The following LPIN2 variants were observed in gnomAD, a reference collection of about 807,000 sequenced individuals.
The protein encoded by LPIN2 is phosphatidate phosphatase LPIN2.
In LPIN2, 55 loss-of-function variants were observed where a neutral mutation model predicts 111.4. The observed-to-expected ratio is 0.49, with a 90% CI of 0.40 to 0.62. LPIN2 has a LOEUF of 0.62. LPIN2 is among the 20% of genes least tolerant of loss of function. The pLI is 0.00. For missense variants in LPIN2, 992 were observed against 1,112.1 expected, an observed-to-expected ratio of 0.89 and a Z score of 1.54; for synonymous variants, 425 against 414.0, an observed-to-expected ratio of 1.03 and a Z score of -0.32.
intron 1 of LPIN2, among the ~76,000 whole-genome samples, chr18:2,993,871 G>A (rs2078302741): frequency 6.6e-6 from 1 of 152,114 alleles, no homozygotes; most frequent in African/African-American, 2.4e-5. Context: ...CAGCATACAT[G>A]TATACCGACA....
chr18:2,937,927 A>T lies in LPIN2; in HGVS notation c.933T>A (p.Val311=). The change falls in exon 7 of 20, where the codon GTT becomes GTA. Residue 311 remains valine (V), a synonymous_variant. Transcript: ENST00000677752. ...TGTCTTCCATGGAAGCATCCTTCTCAACTTCACTGATGAGGTTGTCCTCAC... is the reference window on the plus strand; with the variant it reads ...TGTCTTCCATGGAAGCATCCTTCTCTACTTCACTGATGAGGTTGTCCTCAC... ...IPSEDNLISE[V]EKDASMEDTV... The T allele has an allele frequency of 6.2e-7, 1 of 1,614,182 alleles. No individual in the cohort carries two copies. The highest frequency in any genetic ancestry group is 1.3e-5 in the African/African-American group (1 of 75,060).
intron 2 of LPIN2, among the ~76,000 whole-genome samples, chr18:2,960,160 A>C (rs1260752102): frequency 6.9e-6 from 1 of 145,608 alleles, no homozygotes; most frequent in African/African-American, 2.6e-5. Flanking sequence ...GCAAAGCGAG[A>C]CTCCGACTCA....
At chr18:2,927,347 T>C (rs2077148786) in intron 12 of LPIN2, among the ~76,000 whole-genome samples, 1 of 152,248 alleles carries the variant, frequency 6.6e-6, no homozygotes, top group Non-Finnish European at 1.5e-5. Flanking sequence ...GTTATTTGCA[T>C]CTGGAACTAT....
At chr18:2,991,933 AG>A (rs1179512158) in intron 1 of LPIN2, among the ~76,000 whole-genome samples, 2 of 152,092 alleles carry the variant, frequency 1.3e-5, no homozygotes, top group Admixed American at 6.5e-5. Context: ...TGCCGAACAC[AG>A]GAGGCAGAGG....
chr18:2,951,603 A>G (rs1163333454), intron 3 of LPIN2, among the ~76,000 whole-genome samples: 1 of 152,204 alleles, frequency 6.6e-6, no homozygotes, highest in Admixed American at 6.5e-5. Context: ...AGGAACTGAC[A>G]TGCCAAGTCA....
chr18:2,942,925 C>T (rs1233845913), intron 4 of LPIN2, among the ~76,000 whole-genome samples: 1 of 152,190 alleles, frequency 6.6e-6, no homozygotes, highest in East Asian at 1.9e-4. Flanking sequence ...TTTGCTAATA[C>T]ATCAGAACTG....
intron 17 of LPIN2, 110 bp downstream of exon 17, chr18:2,921,937 G>T: frequency 7.2e-7 from 1 of 1,388,884 alleles, no homozygotes; most frequent in Non-Finnish European, 9.7e-7. Flanking sequence ...ACTGGGAGAG[G>T]CGTGGCGGCT....
Position 2,920,179 on chromosome 18 carries a change from G to T in LPIN2, c.*114C>A. On this transcript the variant is annotated 3_prime_UTR_variant, in exon 20 of 20. Coordinates refer to ENST00000677752, the MANE Select transcript of LPIN2 (RefSeq NM_001375808.2). ...AAGGAGGATGGCGGGACCAGCTCCAGAAGCACCCGTCCCCGCTGGGGAAGG... is the reference window on the plus strand; with the variant it reads ...AAGGAGGATGGCGGGACCAGCTCCATAAGCACCCGTCCCCGCTGGGGAAGG... The T allele has an allele frequency of 6.9e-7, 1 of 1,446,322 alleles. No homozygotes were observed. The highest frequency in any genetic ancestry group is 9.6e-7 in the Non-Finnish European group (1 of 1,037,532). 89.6% of individuals were successfully genotyped at this position (1,446,322 alleles called of 1,614,324 possible).
intron 9 of LPIN2, 77 bp from the exon 10 acceptor site, chr18:2,929,235 G>T: frequency 1.0e-6 from 1 of 956,604 alleles, no homozygotes. Flanking sequence ...TCTCTGCATT[G>T]CAGAAATTGA....
At position 2,924,521 on chromosome 18, in the gene LPIN2, G is replaced by A; in HGVS notation, c.1964C>T (p.Pro655Leu). The stretch of plus-strand genomic sequence containing the variant: ...TGTAATACTAAACACAACATCATTT[G>A]GGCCATCGTGGAGCTTCAGTTTTGC... ...QIAKLKLHDG[P>L]NDVVFSITTQ... The change falls in exon 15 of 20, where the codon CCA becomes CTA. Residue 655 changes from proline (P) to leucine (L), a missense_variant. Transcript: ENST00000677752. The A allele has an allele frequency of 6.2e-7, 1 of 1,614,182 alleles. No homozygotes were observed.
chr18:2,988,551 T>C (rs1436742418), intron 1 of LPIN2, among the ~76,000 whole-genome samples: 1 of 152,252 alleles, frequency 6.6e-6, no homozygotes, highest in Non-Finnish European at 1.5e-5. Context: ...AGTTATATTC[T>C]ACACATACAG....
chr18:2,963,396 A>G (rs2077743299), intron 1 of LPIN2, among the ~76,000 whole-genome samples: 1 of 150,428 alleles, frequency 6.6e-6, no homozygotes, highest in Non-Finnish European at 1.5e-5. Context: ...GAACCAAGTC[A>G]GACCTGTCCT....
chr18:2,984,098 A>C (rs2078151763), intron 1 of LPIN2, among the ~76,000 whole-genome samples: 1 of 152,262 alleles, frequency 6.6e-6, no homozygotes, highest in Non-Finnish European at 1.5e-5. Flanking sequence ...CAAAATTTTC[A>C]AATGTTTGAC....
Position 2,937,824 on chromosome 18 carries a change from G to A in LPIN2, c.1036C>T (p.Leu346Phe). 1 of 1,614,176 alleles carries A rather than the reference G, an allele frequency of 6.2e-7. No individual in the cohort carries two copies. Among genetic ancestry groups the A allele is most frequent in the Non-Finnish European group, 8.5e-7 (1 of 1,180,028 alleles). The change falls in exon 7 of 20, where the codon CTC becomes TTC. Residue 346 changes from leucine (L) to phenylalanine (F), a missense_variant. By Grantham distance (22) the Leu-to-Phe change is conservative. Transcript: ENST00000677752. Reference sequence around the variant, plus strand: ...TGAGTACTCTCAAGAGGAGGTTCGAGAAGCTCTGCCACAGATGTTGGGTCG... The same window carrying A: ...TGAGTACTCTCAAGAGGAGGTTCGAAAAGCTCTGCCACAGATGTTGGGTCG... ...MSDPTSVAEL[L>F]EPPLESTQIS...
At chr18:2,969,601 A>G (rs1277921512) in intron 1 of LPIN2, among the ~76,000 whole-genome samples, 2 of 152,240 alleles carry the variant, frequency 1.3e-5, no homozygotes, top group Non-Finnish European at 2.9e-5. Flanking sequence ...ACTCTAGGTC[A>G]GTATTTCTCA....
chr18:2,937,609 G>A, intron 7 of LPIN2, 83 bp downstream of exon 7: 1 of 1,043,024 alleles, frequency 9.6e-7, no homozygotes, highest in Non-Finnish European at 1.5e-6. Context: ...AAATACAGAG[G>A]CAGCCATCAC....
At chr18:3,009,725 A>G (rs1319046302) in intron 1 of LPIN2, among the ~76,000 whole-genome samples, 2 of 152,080 alleles carry the variant, frequency 1.3e-5, no homozygotes, top group Non-Finnish European at 2.9e-5. Flanking sequence ...ACAGGCGTGA[A>G]CCACCGCACC....
rs568009000 is a variant in LPIN2 at position 2,998,229 on chromosome 18, A to C, written c.-10+14858T>G. On this transcript the variant is annotated intron_variant, in intron 1 of 19. Transcript: ENST00000677752. ...AGCACTGCTGCAATCAATGCCACCA[A>C]TCACTCAGATTTAGGCTATTTTTAA... 3.5e-4 allele frequency among the ~76,000 whole-genome samples: 54 copies of C among 152,258 alleles called. 1 individual carries two copies. Among genetic ancestry groups the C allele is most frequent in the African/African-American group, 1.3e-3 (53 of 41,492 alleles).
intron 1 of LPIN2, among the ~76,000 whole-genome samples, chr18:2,972,883 A>AT (rs1472798709): frequency 6.6e-6 from 1 of 152,214 alleles, no homozygotes; most frequent in African/African-American, 2.4e-5. Context: ...GTCTGTTCCC[A>AT]TCAAGGCTAA....
Sources: gnomAD v4.1 joint callset for allele counts (sites outside exome capture counted in the v4.1 genomes callset) on GRCh38, gnomAD v4.1.1 for gene constraint, MANE v1.5 for transcripts, NCBI Gene and HGNC (gene_info 2026-07-23, HGNC 2026-07-21) for gene names.